LIN28B: variants seen among roughly 807,000 people sequenced by gnomAD.
LIN28B encodes protein lin-28 homolog B.
LIN28B carries 5 observed loss-of-function variants against 21.9 expected under a neutral mutation model. The ratio of observed to expected loss-of-function variants is 0.23; its 90% CI spans 0.12 to 0.48. LIN28B has a LOEUF of 0.48. LIN28B is among the 20% of genes least tolerant of loss of function. The probability of loss-of-function intolerance (pLI) is 0.98; values close to 1 mark genes in which losing one functional copy is unlikely to be tolerated. For synonymous variants in LIN28B, 109 were observed against 111.3 expected (o/e 0.98, Z 0.13); for missense variants, 245 against 310.5 (o/e 0.79, Z 1.58).
chr6:104,987,653 C>G (rs1770374303), intron 2 of LIN28B, among the ~76,000 whole-genome samples: 1 of 152,034 alleles, frequency 6.6e-6, no homozygotes, highest in African/African-American at 2.4e-5. Flanking sequence ...AAATACTTTA[C>G]CTCTTTTTCC....
chr6:105,035,586 T>G (rs1435068253), intron 3 of LIN28B, among the ~76,000 whole-genome samples: 1 of 152,168 alleles, frequency 6.6e-6, no homozygotes, highest in Non-Finnish European at 1.5e-5. Context: ...ATAGTTTGCT[T>G]ATTTTAAACC....
At chr6:105,062,707 G>A (rs1772146217) in intron 3 of LIN28B, among the ~76,000 whole-genome samples, 1 of 151,802 alleles carries the variant, frequency 6.6e-6, no homozygotes, top group Admixed American at 6.6e-5. Flanking sequence ...GTTTCTAAGA[G>A]GTTCCAGCTT....
intron 2 of LIN28B, among the ~76,000 whole-genome samples, chr6:104,985,524 T>C (rs139712040): frequency 1.3e-5 from 2 of 152,316 alleles, no homozygotes; most frequent in Non-Finnish European, 2.9e-5. Flanking sequence ...TATGATACAG[T>C]TTTTATATAT....
At chr6:104,951,435 C>T (rs1306227656) in intron 3 of LIN28B, among the ~76,000 whole-genome samples, 1 of 151,882 alleles carries the variant, frequency 6.6e-6, no homozygotes, top group Non-Finnish European at 1.5e-5. Context: ...AGGGGTGATA[C>T]TCTAATATCA....
At chr6:104,992,911 C>T (rs1770525660) in intron 2 of LIN28B, among the ~76,000 whole-genome samples, 1 of 151,992 alleles carries the variant, frequency 6.6e-6, no homozygotes, top group African/African-American at 2.4e-5. Flanking sequence ...CAGTGTGCGT[C>T]CTCAATTTAT....
At position 105,078,840 on chromosome 6, in the gene LIN28B, G is replaced by A. The variant is rs1772485022; in HGVS notation, c.*57G>A. ...CGGTTGCAAAGTCTACCTCATGCAA[G>A]TATAGGGGAACAGTATTTCACAAGC... On this transcript the variant is annotated 3_prime_UTR_variant, in exon 4 of 4. Transcript: ENST00000345080. 1 of 1,546,410 alleles carries A rather than the reference G, an allele frequency of 6.5e-7. No homozygotes were observed. The highest frequency in any genetic ancestry group is 2.3e-5 in the East Asian group (1 of 44,174).
At chr6:104,981,456 TG>T (rs558889410) in intron 2 of LIN28B, among the ~76,000 whole-genome samples, 85 of 152,348 alleles carry the variant, frequency 5.6e-4, no homozygotes, top group African/African-American at 2.0e-3. Context: ...CATTTACCCA[TG>T]GCTGCTTACA....
intron 3 of LIN28B, among the ~76,000 whole-genome samples, chr6:105,030,648 G>A (rs1771403944): frequency 7.2e-6 from 1 of 138,542 alleles, no homozygotes; most frequent in Admixed American, 7.8e-5. Flanking sequence ...CCAGTCTGGA[G>A]TGCAATGGCC....
intron 3 of LIN28B, chr6:104,950,531 TAAATATTTTG>T: frequency 9.0e-7 from 1 of 1,113,646 alleles, no homozygotes; most frequent in Non-Finnish European, 1.1e-6. Context: ...TTTTTTTTTT[TAAATATTTTG>T]TTTAATTAAT....
chr6:104,976,105 A>G lies in LIN28B; in HGVS notation c.198+17819A>G, dbSNP rs62419608. 3.0e-3 allele frequency among the ~76,000 whole-genome samples: 461 copies of G among 152,254 alleles called. 1 individual carries two copies. Among genetic ancestry groups the G allele is most frequent in the Non-Finnish European group, 5.6e-3 (384 of 68,016 alleles). On this transcript the variant is annotated intron_variant, in intron 2 of 3. Coordinates refer to ENST00000345080, the MANE Select transcript of LIN28B (RefSeq NM_001004317.4). Reference sequence around the variant, plus strand: ...AAATCTCTGGGTTCTAGCCACATGTAGCTGTTTTAATTTTATATTAATTAC... The same window carrying G: ...AAATCTCTGGGTTCTAGCCACATGTGGCTGTTTTAATTTTATATTAATTAC...
At chr6:104,999,083 T>C (rs1001370561) in intron 2 of LIN28B, among the ~76,000 whole-genome samples, 2 of 152,190 alleles carry the variant, frequency 1.3e-5, no homozygotes, top group African/African-American at 2.4e-5. Flanking sequence ...CATGAAGATA[T>C]AAATATAGAA....
chr6:104,954,741 T>C (rs1778262666), upstream of LIN28B, among the ~76,000 whole-genome samples: 1 of 152,204 alleles, frequency 6.6e-6, no homozygotes, highest in Non-Finnish European at 1.5e-5. Context: ...CCACTAATAC[T>C]GGAGGCCCCC....
chr6:105,080,869 T>A lies in LIN28B; in HGVS notation c.*2086T>A, dbSNP rs1409790175. ...AATTCAAACCAAAGTTCCTTCACCT[T>A]ATGGAAATAGGAAATTATGGACTTC... On this transcript the variant is annotated 3_prime_UTR_variant, in exon 4 of 4. Coordinates refer to ENST00000345080, the MANE Select transcript of LIN28B (RefSeq NM_001004317.4). The A allele has an allele frequency of 6.6e-6, 1 of 152,620 alleles. No individual in the cohort carries two copies. Among genetic ancestry groups the A allele is most frequent in the Admixed American group, 6.5e-5 (1 of 15,278 alleles). 9.5% of individuals were successfully genotyped at this position (152,620 alleles called of 1,614,324 possible).
chr6:105,074,983 C>T (rs1304502906), intron 3 of LIN28B, among the ~76,000 whole-genome samples: 1 of 152,218 alleles, frequency 6.6e-6, no homozygotes, highest in Admixed American at 6.5e-5. Flanking sequence ...GCTGGGATTA[C>T]AGGCATGAGC....
chr6:104,980,767 C>T (rs1400260685), intron 2 of LIN28B, among the ~76,000 whole-genome samples: 20 of 152,118 alleles, frequency 1.3e-4, no homozygotes, highest in Non-Finnish European at 1.5e-5. Context: ...ACTTCCTCTG[C>T]ACACAGACTG....
At chr6:105,028,645 GA>G (rs1191980751) in intron 3 of LIN28B, among the ~76,000 whole-genome samples, 14 of 152,132 alleles carry the variant, frequency 9.2e-5, no homozygotes, top group Admixed American at 9.2e-4. Context: ...TCAAGATGGG[GA>G]AACCTACAGA....
intron 3 of LIN28B, among the ~76,000 whole-genome samples, chr6:105,077,182 A>T (rs1772443879): frequency 6.6e-6 from 1 of 152,078 alleles, no homozygotes. Context: ...GTGAACCGAG[A>T]TCACTGCACT....
At chr6:104,951,553 C>T (rs1053944003) in intron 3 of LIN28B, among the ~76,000 whole-genome samples, 7 of 151,918 alleles carry the variant, frequency 4.6e-5, no homozygotes, top group Admixed American at 1.3e-4. Context: ...CCCTTATTAT[C>T]GACTGTGGTT....
chr6:105,003,353 A>G (rs1185336999), intron 2 of LIN28B, among the ~76,000 whole-genome samples: 2 of 152,222 alleles, frequency 1.3e-5, no homozygotes, highest in Admixed American at 6.5e-5. Context: ...ATTTGTATTC[A>G]AGGAGTCATA....
Sources: allele counts gnomAD v4.1 joint callset (sites outside exome capture counted in the v4.1 genomes callset), GRCh38; gene constraint gnomAD v4.1.1; transcripts MANE v1.5; gene names NCBI Gene and HGNC (gene_info 2026-07-23, HGNC 2026-07-21).